COL21A1: variants seen among roughly 807,000 people sequenced by gnomAD.
The protein encoded by COL21A1 is collagen type XXI alpha 1 chain, also known as collagen alpha-1(XXI) chain.
A neutral mutation model predicts 137.9 loss-of-function variants in COL21A1; 149 were observed. That is an observed-to-expected ratio of 1.08 (90% CI 0.95 to 1.24). COL21A1 has a LOEUF of 1.24. Among genes scored for constraint, COL21A1 ranks in the 50% most tolerant of loss-of-function variants. The pLI is 0.00. For missense variants in COL21A1, 1,167 were observed against 1,158.4 expected (o/e 1.01, Z -0.11); for synonymous variants, 456 against 391.5 (o/e 1.16, Z -1.95).
chr6:56,388,993 G>A (rs2094023950), intron 1 of COL21A1, among the ~76,000 whole-genome samples: 3 of 152,176 alleles, frequency 2.0e-5, no homozygotes, highest in African/African-American at 4.8e-5. Context: ...ACTGAAAAAC[G>A]TGTCAGAGTC....
chr6:56,288,616 G>A (rs1000901910), intron 1 of COL21A1, among the ~76,000 whole-genome samples: 1 of 152,154 alleles, frequency 6.6e-6, no homozygotes, highest in Non-Finnish European at 1.5e-5. Flanking sequence ...GTAGATAAAA[G>A]GGCAGGTGCT....
intron 23 of COL21A1, among the ~76,000 whole-genome samples, chr6:56,065,620 C>A (rs1034347143): frequency 2.6e-5 from 4 of 151,590 alleles, no homozygotes; most frequent in Admixed American, 6.6e-5. Context: ...TAAGAGGTAG[C>A]CAATTGGAGA....
intron 1 of COL21A1, among the ~76,000 whole-genome samples, chr6:56,270,238 G>A (rs1414671176): frequency 1.3e-5 from 2 of 152,038 alleles, no homozygotes; most frequent in Non-Finnish European, 2.9e-5. Flanking sequence ...CCCCGCAAAT[G>A]GAAAACAAAA....
At chr6:56,294,680 T>C (rs1198246487) in intron 1 of COL21A1, among the ~76,000 whole-genome samples, 1 of 152,078 alleles carries the variant, frequency 6.6e-6, no homozygotes, top group African/African-American at 2.4e-5. Context: ...TATCTCATTG[T>C]TTTAATGTAC....
At chr6:56,110,048 A>T (rs1480706659) in intron 16 of COL21A1, among the ~76,000 whole-genome samples, 2 of 152,040 alleles carry the variant, frequency 1.3e-5, no homozygotes, top group Non-Finnish European at 2.9e-5. Context: ...ACTGCTGATC[A>T]AAATCATCCA....
chr6:56,301,974 C>T (rs112395140), intron 1 of COL21A1, among the ~76,000 whole-genome samples: 2,237 of 151,902 alleles, frequency 0.015, 25 homozygotes, highest in South Asian at 0.022. Context: ...TGAGAACATG[C>T]GGTGTTTGGT....
chr6:56,098,303 G>A (rs183765062), intron 17 of COL21A1, among the ~76,000 whole-genome samples: 250 of 8,344 alleles, frequency 0.03, 32 homozygotes, highest in African/African-American at 0.075. Flanking sequence ...AAATACATAT[G>A]TAAATATATA....
chr6:56,154,805 C>G (rs901313172), intron 10 of COL21A1, among the ~76,000 whole-genome samples: 11 of 152,168 alleles, frequency 7.2e-5, no homozygotes, highest in Non-Finnish European at 1.6e-4. Context: ...AATGCTGCCC[C>G]AACAACCACA....
At position 56,060,913 on chromosome 6, in the gene COL21A1, G is replaced by T. The variant is rs750287951; in HGVS notation, c.2330C>A (p.Pro777His). ...GQPGDPGPQG[P>H]PGLDGKPGRE... Reference sequence around the variant, plus strand: ...TACGGGCTTCCCATCCAAACCTGGGGGTCCCTGAGGACCTGGATCCCCAGG... The same window carrying T: ...TACGGGCTTCCCATCCAAACCTGGGTGTCCCTGAGGACCTGGATCCCCAGG... The change falls in exon 26 of 30, where the codon CCC (proline) becomes CAC (histidine). Residue 777 changes from proline to histidine, a missense_variant. Physicochemically the swap from Pro to His is moderately conservative, Grantham distance 77 (BLOSUM62 -2). Coordinates refer to ENST00000244728, the MANE Select transcript of COL21A1 (RefSeq NM_030820.4). 1 of 1,576,862 alleles carries T rather than the reference G, an allele frequency of 6.3e-7. No homozygotes were observed. Among genetic ancestry groups the T allele is most frequent in the South Asian group, 1.2e-5 (1 of 85,388 alleles).
At chr6:56,317,503 A>G (rs1764764957) in intron 1 of COL21A1, among the ~76,000 whole-genome samples, 1 of 152,132 alleles carries the variant, frequency 6.6e-6, no homozygotes, top group Non-Finnish European at 1.5e-5. Context: ...CATAACTTTT[A>G]GAAATTTCAA....
intron 1 of COL21A1, among the ~76,000 whole-genome samples, chr6:56,187,688 A>C (rs1778388051): frequency 6.6e-6 from 1 of 152,162 alleles, no homozygotes; most frequent in Admixed American, 6.5e-5. Context: ...ATTAAATGGA[A>C]CATAGATCTA....
At chr6:56,116,396 TAAAAAAAAAAAAAAAAA>T (rs370697652) in intron 16 of COL21A1, among the ~76,000 whole-genome samples, 1 of 90,834 alleles carries the variant, frequency 1.1e-5, no homozygotes, top group African/African-American at 4.3e-5. Context: ...GTGCCAAAGG[TAAAAAAAAAAAAAAAAA>T]AAAAAAAAAA....
chr6:56,117,426 G>C (rs1772039337), intron 16 of COL21A1, among the ~76,000 whole-genome samples: 1 of 151,876 alleles, frequency 6.6e-6, no homozygotes, highest in Non-Finnish European at 1.5e-5. Flanking sequence ...CAAGCATCCA[G>C]ATATAGCAAG....
At chr6:56,097,974 A>T (rs1391253139) in intron 17 of COL21A1, among the ~76,000 whole-genome samples, 3 of 68,830 alleles carry the variant, frequency 4.4e-5, no homozygotes, top group South Asian at 8.8e-4. Context: ...TAAATATATA[A>T]ATATATATAA....
intron 17 of COL21A1, among the ~76,000 whole-genome samples, chr6:56,084,373 G>C (rs1293010983): frequency 6.6e-6 from 1 of 151,700 alleles, no homozygotes; most frequent in Non-Finnish European, 1.5e-5. Flanking sequence ...CCAATTTGTT[G>C]TTTAAAAAAA....
At chr6:56,303,411 C>G (rs898364835) in intron 1 of COL21A1, among the ~76,000 whole-genome samples, 6 of 151,876 alleles carry the variant, frequency 4.0e-5, no homozygotes, top group African/African-American at 1.4e-4. Context: ...TTTCATTGAG[C>G]AGTGGTTTGT....
At chr6:56,379,529 G>T (rs1036103832) in intron 1 of COL21A1, among the ~76,000 whole-genome samples, 5 of 152,184 alleles carry the variant, frequency 3.3e-5, no homozygotes, top group African/African-American at 1.2e-4. Flanking sequence ...AGATATAGAT[G>T]AATATAGAGA....
chr6:56,122,473 C>T (rs1772639854), intron 16 of COL21A1, among the ~76,000 whole-genome samples: 1 of 152,058 alleles, frequency 6.6e-6, no homozygotes, highest in Non-Finnish European at 1.5e-5. Flanking sequence ...CCACCACACC[C>T]AGCTAATTTT....
rs1240771585 is a variant in COL21A1, at chr6:56,098,616, AAT to A, written c.1812+2854_1812+2855del. On this transcript the variant is annotated intron_variant, in intron 17 of 29. Transcript: ENST00000244728. ...ATAAATATATATATAAATATATATA[AAT>A]ATATATAAATATATATATAAATATA... 4.0e-3 allele frequency among the ~76,000 whole-genome samples: 27 copies of A among 6,686 alleles called. 2 individuals are homozygous for A. Among genetic ancestry groups the A allele is most frequent in the African/African-American group, 7.7e-3 (9 of 1,166 alleles). 4.4% of individuals were successfully genotyped at this position (6,686 alleles called of 152,430 possible). A position where few individuals can be genotyped will look rare whatever the true frequency, so the allele number is the denominator to read the frequency against.
Sources: gnomAD v4.1 joint callset for allele counts (sites outside exome capture counted in the v4.1 genomes callset) on GRCh38, gnomAD v4.1.1 for gene constraint, MANE v1.5 for transcripts, NCBI Gene and HGNC (gene_info 2026-07-23, HGNC 2026-07-21) for gene names.